Variants in STARD13 observed in about 807,000 individuals in gnomAD.
STARD13 encodes the protein StAR related lipid transfer domain containing 13, also known as stAR-related lipid transfer protein 13.
Under a neutral mutation model 106.4 loss-of-function variants are expected in STARD13, and 62 were observed. The ratio of observed to expected loss-of-function variants is 0.58; its 90% CI spans 0.48 to 0.72. STARD13 has a LOEUF of 0.72. Among genes scored for constraint, STARD13 ranks in the 30% least tolerant of loss-of-function variants. The probability of loss-of-function intolerance (pLI) is 0.00; values close to 1 mark genes in which losing one functional copy is unlikely to be tolerated. For missense variants in STARD13, 1,387 were observed against 1,424.0 expected, an observed-to-expected ratio of 0.97 and a Z score of 0.42; for synonymous variants, 565 against 553.0, an observed-to-expected ratio of 1.02 and a Z score of -0.31.
chr13:33,106,633 A>G (rs1873745222), intron 13 of STARD13, 125 bp downstream of exon 13: 9 of 842,810 alleles, frequency 1.1e-5, no homozygotes, highest in Non-Finnish European at 1.4e-5. Context: ...CTATGAAAGC[A>G]CACTAATGGC....
chr13:33,380,226 C>A, the STARD13 span, among the ~76,000 whole-genome samples: 2 of 152,096 alleles, frequency 1.3e-5, no homozygotes, highest in South Asian at 4.2e-4. Flanking sequence ...ACCAATCTGG[C>A]CAACATGGTG....
the STARD13 span, among the ~76,000 whole-genome samples, chr13:33,645,782 G>A: frequency 2.4e-3 from 359 of 152,244 alleles, 5 homozygotes; most frequent in South Asian, 0.045. Flanking sequence ...TGTTTGATTT[G>A]TCCAAAAGCT....
chr13:33,439,952 A>G, the STARD13 span, among the ~76,000 whole-genome samples: 5 of 152,220 alleles, frequency 3.3e-5, no homozygotes, highest in Admixed American at 2.0e-4. Flanking sequence ...GACGCATTAA[A>G]TGTATTTTTC....
chr13:33,321,922 C>T (rs1402683933), intron 1 of STARD13, among the ~76,000 whole-genome samples: 2 of 152,182 alleles, frequency 1.3e-5, no homozygotes, highest in Non-Finnish European at 2.9e-5. Context: ...GTTACTTTTT[C>T]AGTGTTATCA....
intron 1 of STARD13, among the ~76,000 whole-genome samples, chr13:33,250,561 G>A (rs945734700): frequency 1.4e-4 from 22 of 152,122 alleles, no homozygotes; most frequent in Admixed American, 1.3e-3. Flanking sequence ...CCTTTTAAAG[G>A]CATTATTTCA....
At chr13:33,418,847 C>T in the STARD13 span, among the ~76,000 whole-genome samples, 1 of 152,216 alleles carries the variant, frequency 6.6e-6, no homozygotes, top group South Asian at 2.1e-4. Context: ...CTCCAGCAAA[C>T]TTCAACAGAC....
the STARD13 span, among the ~76,000 whole-genome samples, chr13:33,594,454 T>A: frequency 0.037 from 5,576 of 152,316 alleles, 265 homozygotes; most frequent in African/African-American, 0.1. Flanking sequence ...TGAAGTTTGT[T>A]AGACCTTATT....
intron 1 of STARD13, among the ~76,000 whole-genome samples, chr13:33,326,170 A>T (rs1480993856): frequency 6.6e-6 from 1 of 152,096 alleles, no homozygotes; most frequent in Admixed American, 6.6e-5. Context: ...TAAAAATCAC[A>T]GGATGTAGAG....
At chr13:33,142,163 G>A (rs1879917154) in intron 4 of STARD13, 147 bp downstream of exon 4, 1 of 647,440 alleles carries the variant, frequency 1.5e-6, no homozygotes, top group Non-Finnish European at 2.7e-6. Context: ...CGATAGCTGG[G>A]ACTACAGGCA....
At chr13:33,223,262 T>C (rs145134552) in intron 1 of STARD13, among the ~76,000 whole-genome samples, 20 of 152,362 alleles carry the variant, frequency 1.3e-4, no homozygotes, top group African/African-American at 4.8e-4. Flanking sequence ...TCAAGAATGA[T>C]GTTTTTACAC....
intron 1 of STARD13, among the ~76,000 whole-genome samples, chr13:33,257,895 T>C (rs1890446453): frequency 6.6e-6 from 1 of 152,256 alleles, no homozygotes; most frequent in South Asian, 2.1e-4. Flanking sequence ...ATATTTTCAA[T>C]TTGTAACAGC....
At chr13:33,575,224 G>A in the STARD13 span, among the ~76,000 whole-genome samples, 9 of 151,908 alleles carry the variant, frequency 5.9e-5, no homozygotes, top group East Asian at 9.7e-4. Context: ...CCATACCTAC[G>A]TATTTTAAAT....
chr13:33,557,896 T>TC, the STARD13 span, among the ~76,000 whole-genome samples: 1 of 152,198 alleles, frequency 6.6e-6, no homozygotes, highest in Non-Finnish European at 1.5e-5. Context: ...ATGACCCTGG[T>TC]CCCTAACTTG....
Position 33,118,071 on chromosome 13 carries a change from A to G in STARD13, c.2275T>C (p.Tyr759His), listed in dbSNP as rs1862382956. The change falls in exon 8 of 14, where the codon TAT becomes CAT. Residue 759 changes from tyrosine (Y) to histidine (H), a missense_variant. Coordinates refer to ENST00000336934, the MANE Select transcript of STARD13 (RefSeq NM_178006.4). ...TCTCATTATTTCCACTTACACTGATAGATATGGAGAAAGGTCTCACTGAGC... is the reference window on the plus strand; with the variant it reads ...TCTCATTATTTCCACTTACACTGATGGATATGGAGAAAGGTCTCACTGAGC... ...NKLSETFLHI[Y>H]QYVSKEQRLQ... is the part of the protein sequence containing the mutation. 5 of 1,614,250 alleles carry G rather than the reference A, an allele frequency of 3.1e-6. No homozygotes were observed. Among genetic ancestry groups the G allele is most frequent in the Non-Finnish European group, 4.2e-6 (5 of 1,180,038 alleles).
chr13:33,650,525 TA>T, the STARD13 span, among the ~76,000 whole-genome samples: 2 of 150,890 alleles, frequency 1.3e-5, no homozygotes, highest in South Asian at 4.1e-4. Context: ...TTTAAAGTCA[TA>T]AGCCTTTTGG....
At chr13:33,418,276 A>C in the STARD13 span, among the ~76,000 whole-genome samples, 1 of 152,356 alleles carries the variant, frequency 6.6e-6, no homozygotes, top group South Asian at 2.1e-4. Context: ...CCAGCAGATC[A>C]GGAGATTCTC....
chr13:33,209,015 G>A (rs1006134674), intron 1 of STARD13, among the ~76,000 whole-genome samples: 1 of 152,148 alleles, frequency 6.6e-6, no homozygotes, highest in African/African-American at 2.4e-5. Context: ...GTCACATGTT[G>A]GTGATAAGCA....
At chr13:33,560,908 A>G in the STARD13 span, among the ~76,000 whole-genome samples, 1 of 151,458 alleles carries the variant, frequency 6.6e-6, no homozygotes, top group Non-Finnish European at 1.5e-5. Flanking sequence ...TTATTCTGCA[A>G]TCTGTTGACA....
the STARD13 span, among the ~76,000 whole-genome samples, chr13:33,495,918 G>T: frequency 2.1e-5 from 3 of 141,124 alleles, no homozygotes; most frequent in Admixed American, 7.2e-5. Context: ...ATATTATATA[G>T]TTATATATTA....
Sources: allele counts gnomAD v4.1 joint callset (sites outside exome capture counted in the v4.1 genomes callset), GRCh38; gene constraint gnomAD v4.1.1; transcripts MANE v1.5; gene names NCBI Gene and HGNC (gene_info 2026-07-23, HGNC 2026-07-21).